Variants in ABCB10 observed in about 807,000 individuals in gnomAD.
ABCB10 encodes ATP-binding cassette sub-family B member 10, mitochondrial.
Under a neutral mutation model 65.4 loss-of-function variants are expected in ABCB10, and 54 were observed. That is an observed-to-expected ratio of 0.83 (90% CI 0.66 to 1.04). The LOEUF (loss-of-function observed/expected upper bound fraction) is 1.04. ABCB10 is among the 50% of genes least tolerant of loss of function. The pLI is 0.00. For synonymous variants in ABCB10, 418 were observed against 406.5 expected, an observed-to-expected ratio of 1.03 and a Z score of -0.34; for missense variants, 846 against 976.6, an observed-to-expected ratio of 0.87 and a Z score of 1.78.
chr1:229,549,527 G>A, intron 1 of ABCB10, 93 bp from the exon 2 acceptor site: 5 of 1,204,344 alleles, frequency 4.2e-6, no homozygotes, highest in Non-Finnish European at 4.7e-6. Context: ...ATAAGCTGTT[G>A]TCAGAGTATG....
chr1:229,519,883 T>C (rs772503686), intron 11 of ABCB10, among the ~76,000 whole-genome samples: 6 of 152,144 alleles, frequency 3.9e-5, no homozygotes, highest in Non-Finnish European at 7.4e-5. Context: ...CCCAACACTC[T>C]GGCAGGCTGA....
Position 229,521,578 on chromosome 1 carries a change from C to A in ABCB10, c.1950+14G>T. On this transcript the variant is annotated intron_variant, in intron 11 of 12. Coordinates refer to ENST00000344517, the MANE Select transcript of ABCB10 (RefSeq NM_012089.3). ...TCCCTAATTTAAAAAACATCCAAGT[C>A]GCTTCAGGCTTACCTTTAGCAGAGC... 1 of 1,584,966 alleles carries A rather than the reference C, an allele frequency of 6.3e-7. No homozygotes were observed. The highest frequency in any genetic ancestry group is 8.6e-7 in the Non-Finnish European group (1 of 1,164,556).
chr1:229,540,674 T>G lies in ABCB10; in HGVS notation c.1135A>C (p.Ser379Arg), dbSNP rs774994307. The change falls in exon 5 of 13, where the codon AGC (serine) becomes CGC (arginine). Residue 379 changes from serine (S) to arginine (R), a missense_variant. By Grantham distance (110) the Ser-to-Arg change is moderately radical. This residue lies in a region of ABCB10 where 632 missense variants were observed against 803.2 expected (regional missense o/e 0.79). Transcript: ENST00000344517. ...AACTGCATTACATGGTCCACTTTGC[T>G]GGCATATTTCTCGATTTCAGTCATT... ...KEMTEIEKYA[S>R]KVDHVMQLAR... is the part of the protein sequence containing the mutation. The G allele has an allele frequency of 1.2e-6, 2 of 1,613,140 alleles. No homozygotes were observed. The highest frequency in any genetic ancestry group is 8.5e-7 in the Non-Finnish European group (1 of 1,180,036).
chr1:229,530,196 T>C lies in ABCB10; in HGVS notation c.1645+3A>G. 2 of 1,613,552 alleles carry C rather than the reference T, an allele frequency of 1.2e-6. No homozygotes were observed. Among genetic ancestry groups the C allele is most frequent in the African/African-American group, 1.3e-5 (1 of 75,022 alleles). On this transcript the variant is annotated splice_donor_region_variant and intron_variant, in intron 8 of 12. Transcript: ENST00000344517. ...CGGTGCTACAGTGTGGTGAACTGCT[T>C]ACCAGAAGCAGGGTCGTACAACCTC... is the stretch of plus-strand genomic sequence containing the variant.
In ABCB10 at chr1:229,545,498, T is replaced by C. The variant is rs370672348; in HGVS notation, c.921+2001A>G. Among the ~76,000 whole-genome samples the C allele has an allele frequency of 6.6e-5, 10 of 152,226 alleles. 1 individual carries two copies. The East Asian group carries it at 1.5e-3, about 23-fold the overall frequency. On this transcript the variant is annotated intron_variant, in intron 3 of 12. Coordinates refer to ENST00000344517, the MANE Select transcript of ABCB10 (RefSeq NM_012089.3). ...CTGGAAACTTGAAATGTGGCAGGTATGACTGAGACATTGACTTTTTAATTG... is the reference window on the plus strand; with the variant it reads ...CTGGAAACTTGAAATGTGGCAGGTACGACTGAGACATTGACTTTTTAATTG...
At chr1:229,534,026 C>CA (rs1662646951) in intron 6 of ABCB10, among the ~76,000 whole-genome samples, 1 of 152,122 alleles carries the variant, frequency 6.6e-6, no homozygotes, top group Non-Finnish European at 1.5e-5. Flanking sequence ...AAGACCTATC[C>CA]AATAAAGGAT....
chr1:229,531,425 AG>A (rs1228619524), intron 7 of ABCB10, among the ~76,000 whole-genome samples: 1 of 152,108 alleles, frequency 6.6e-6, no homozygotes. Context: ...CCATGCATCC[AG>A]GGACACCCTG....
rs1662438480 is a variant in ABCB10 at position 229,526,124 on chromosome 1, T to G, written c.1726-8A>C. Reference sequence around the variant, plus strand: ...AGAAAACAAAATGGGTTCCTACAAATTGGAAATAAAACATATCACGAATTT... The same window carrying G: ...AGAAAACAAAATGGGTTCCTACAAAGTGGAAATAAAACATATCACGAATTT... On this transcript the variant is annotated splice_polypyrimidine_tract_variant and splice_region_variant and intron_variant, in intron 9 of 12. Transcript: ENST00000344517. 7 of 1,606,214 alleles carry G rather than the reference T, an allele frequency of 4.4e-6. No homozygotes were observed. Among genetic ancestry groups the G allele is most frequent in the Non-Finnish European group, 5.9e-6 (7 of 1,176,586 alleles).
At position 229,522,544 on chromosome 1, in the gene ABCB10, A is replaced by G. The variant is rs778429387; in HGVS notation, c.1907-909T>C. Among the ~76,000 whole-genome samples, 8 of 152,240 alleles carry G rather than the reference A, an allele frequency of 5.3e-5. No homozygotes were observed. The East Asian group carries it at 5.8e-4, about 11-fold the overall frequency. On this transcript the variant is annotated intron_variant, in intron 10 of 12. Transcript: ENST00000344517. ...TTAAAAATCCTATGAGACAGACCCT[A>G]TAATTATTCCCATTTTACAGATGAT... is the stretch of plus-strand genomic sequence containing the variant.
At chr1:229,530,922 G>A (rs1373008837) in intron 7 of ABCB10, among the ~76,000 whole-genome samples, 1 of 152,206 alleles carries the variant, frequency 6.6e-6, no homozygotes, top group Non-Finnish European at 1.5e-5. Flanking sequence ...TTCTGCCCTG[G>A]TGTTCACCTA....
At chr1:229,534,832 A>ACTG (rs551273893) in intron 6 of ABCB10, among the ~76,000 whole-genome samples, 2,218 of 137,454 alleles carry the variant, frequency 0.016, 38 homozygotes, top group Middle Eastern at 0.044. Context: ...AGACCGCGCC[A>ACTG]CTGCACTCCA....
At chr1:229,518,711 C>A (rs1433058193) in intron 12 of ABCB10, 130 bp downstream of exon 12, 4 of 841,716 alleles carry the variant, frequency 4.8e-6, no homozygotes, top group Non-Finnish European at 7.5e-6. Context: ...CAGCTTCCCT[C>A]ACTTTAGAGT....
At position 229,518,264 on chromosome 1, in the gene ABCB10, T is replaced by G. The variant is rs370644459; in HGVS notation, c.2132A>C (p.Glu711Ala). 1.2e-6 allele frequency: 2 copies of G among 1,614,074 alleles called. No individual in the cohort carries two copies. Among genetic ancestry groups the G allele is most frequent in the Non-Finnish European group, 8.5e-7 (1 of 1,180,028 alleles). Reference protein sequence around the residue: ...VAVLDQGKITEYGKHEELLSK... With the variant: ...VAVLDQGKITAYGKHEELLSK... ...AAGCAGCTCTTCATGTTTTCCATAT[T>G]CAGTAATTTTTCCTTGGTCAAGAAC... The change falls in exon 13 of 13, where the codon GAA becomes GCA. Residue 711 changes from glutamate (E) to alanine (A), a missense_variant. Physicochemically the swap from Glu to Ala is moderately radical, Grantham distance 107. Around this residue, in one of 2 missense-constraint regions of ABCB10, gnomAD observed 632 missense variants for 803.2 expected, o/e 0.79. Coordinates refer to ENST00000344517, the MANE Select transcript of ABCB10 (RefSeq NM_012089.3).
At chr1:229,539,358 G>A in intron 6 of ABCB10, 98 bp downstream of exon 6, 1 of 1,496,560 alleles carries the variant, frequency 6.7e-7, no homozygotes, top group Non-Finnish European at 9.2e-7. Flanking sequence ...CTTTTTCAGT[G>A]GAAGTTAATT....
chr1:229,544,072 C>T (rs1662912175), intron 3 of ABCB10, among the ~76,000 whole-genome samples: 1 of 152,186 alleles, frequency 6.6e-6, no homozygotes, highest in African/African-American at 2.4e-5. Context: ...AATGAAAAAC[C>T]TTCTGATGAC....
intron 1 of ABCB10, 31 bp downstream of exon 1, chr1:229,558,105 G>A (rs1243696028): frequency 1.5e-6 from 2 of 1,331,048 alleles, no homozygotes; most frequent in African/African-American, 1.5e-5. Context: ...GGAGAGGCCC[G>A]GCGGAGGGAA....
At chr1:229,533,414 A>G (rs1450805257) in intron 6 of ABCB10, among the ~76,000 whole-genome samples, 1 of 152,174 alleles carries the variant, frequency 6.6e-6, no homozygotes, top group Non-Finnish European at 1.5e-5. Context: ...GTAAGCCACC[A>G]TGCCTAGCCT....
chr1:229,521,573 C>T lies in ABCB10; in HGVS notation c.1950+19G>A, dbSNP rs771868423. ...AATAATCCCTAATTTAAAAAACATC[C>T]AAGTCGCTTCAGGCTTACCTTTAGC... On this transcript the variant is annotated intron_variant, in intron 11 of 12. Transcript: ENST00000344517. 17 of 1,583,604 alleles carry T rather than the reference C, an allele frequency of 1.1e-5. No homozygotes were observed. In the South Asian group the frequency reaches 1.3e-4, roughly 12 times the overall value.
At chr1:229,519,300 C>A (rs1009354988) in intron 11 of ABCB10, among the ~76,000 whole-genome samples, 6 of 152,222 alleles carry the variant, frequency 3.9e-5, no homozygotes, top group East Asian at 1.9e-4. Context: ...TACAAAAAAA[C>A]CCCACAAATT....
Sources: allele counts gnomAD v4.1 joint callset (sites outside exome capture counted in the v4.1 genomes callset), GRCh38; gene constraint gnomAD v4.1.1; regional missense constraint gnomAD v4.1.1; transcripts MANE v1.5; gene names NCBI Gene and HGNC (gene_info 2026-07-23, HGNC 2026-07-21).